Variants in CCDC60 observed in about 807,000 individuals in gnomAD.
CCDC60 encodes coiled-coil domain-containing protein 60.
A neutral mutation model predicts 63.5 loss-of-function variants in CCDC60; 54 were observed. The ratio of observed to expected loss-of-function variants is 0.85; its 90% CI spans 0.68 to 1.07. The LOEUF is 1.07. CCDC60 is among the 50% of genes least tolerant of loss of function. CCDC60 has a pLI of 0.00. For synonymous variants in CCDC60, 206 were observed against 238.8 expected (o/e 0.86, Z 1.27); for missense variants, 651 against 684.3 (o/e 0.95, Z 0.54).
intron 1 of CCDC60, among the ~76,000 whole-genome samples, chr12:119,340,374 T>C (rs1008836318): frequency 5.3e-5 from 8 of 152,266 alleles, no homozygotes; most frequent in Middle Eastern, 3.4e-3. Flanking sequence ...GAGGTATTGT[T>C]AATAAGCTTT....
At chr12:119,506,926 G>C (rs1482602815) in intron 7 of CCDC60, among the ~76,000 whole-genome samples, 3 of 152,176 alleles carry the variant, frequency 2.0e-5, no homozygotes, top group African/African-American at 7.2e-5. Context: ...AAAGAAGAGA[G>C]GGTAAGACAG....
chr12:119,436,540 A>T (rs1318585454), intron 2 of CCDC60, among the ~76,000 whole-genome samples: 4 of 78,040 alleles, frequency 5.1e-5, no homozygotes, highest in East Asian at 7.2e-4. Context: ...TGATGCCAAT[A>T]CTTTTTTTTT....
At chr12:119,474,824 T>C (rs998918765) in intron 3 of CCDC60, among the ~76,000 whole-genome samples, 1 of 152,076 alleles carries the variant, frequency 6.6e-6, no homozygotes, top group Non-Finnish European at 1.5e-5. Flanking sequence ...TTGGGCAACA[T>C]AGAGAGACTC....
intron 1 of CCDC60, among the ~76,000 whole-genome samples, chr12:119,414,258 A>G (rs1956659871): frequency 6.6e-6 from 1 of 152,058 alleles, no homozygotes; most frequent in African/African-American, 2.4e-5. Context: ...ACCTCAAGAG[A>G]TCTGCCTGCC....
chr12:119,498,010 C>T (rs1951753273), intron 5 of CCDC60, among the ~76,000 whole-genome samples: 1 of 152,156 alleles, frequency 6.6e-6, no homozygotes, highest in South Asian at 2.1e-4. Flanking sequence ...ATTCTCACCC[C>T]ACCTCACCAG....
In CCDC60 at chr12:119,394,391, C is replaced by T. The variant is rs186479060; in HGVS notation, c.91-34292C>T. On this transcript the variant is annotated intron_variant, in intron 1 of 13. Transcript: ENST00000327554. Reference sequence around the variant, plus strand: ...TTCCTTCTGCCTGTTACAAAGGAAACGGGGTAATTTCATGCTTCAAGAGAT... The same window carrying T: ...TTCCTTCTGCCTGTTACAAAGGAAATGGGGTAATTTCATGCTTCAAGAGAT... 2.5e-4 allele frequency among the ~76,000 whole-genome samples: 38 copies of T among 151,932 alleles called. No homozygotes were observed. The South Asian group carries it at 4.4e-3, about 18-fold the overall frequency.
intron 1 of CCDC60, among the ~76,000 whole-genome samples, chr12:119,358,067 T>C (rs1955736049): frequency 6.6e-6 from 1 of 152,090 alleles, no homozygotes; most frequent in Non-Finnish European, 1.5e-5. Flanking sequence ...GAGCACTCAC[T>C]ATCATGAGGA....
chr12:119,433,004 G>C (rs118171210), intron 2 of CCDC60, among the ~76,000 whole-genome samples: 2,396 of 152,244 alleles, frequency 0.016, 27 homozygotes, highest in Admixed American at 0.029. Context: ...AGTATATAAG[G>C]AGTGCTACAA....
chr12:119,521,186 G>C (rs547561742), intron 9 of CCDC60, among the ~76,000 whole-genome samples: 45 of 152,204 alleles, frequency 3.0e-4, no homozygotes, highest in Non-Finnish European at 5.4e-4. Context: ...TTTTGGATTA[G>C]TGTTGAGTAT....
intron 5 of CCDC60, among the ~76,000 whole-genome samples, chr12:119,497,712 C>T (rs1474498594): frequency 6.6e-6 from 1 of 150,752 alleles, no homozygotes; most frequent in African/African-American, 2.4e-5. Context: ...AAGGGAAATG[C>T]GAAAAGCCCT....
chr12:119,528,304 G>A (rs918585210), intron 11 of CCDC60, among the ~76,000 whole-genome samples: 1 of 151,954 alleles, frequency 6.6e-6, no homozygotes, highest in East Asian at 1.9e-4. Context: ...CTCACCTCTG[G>A]AAAATAGGAA....
intron 3 of CCDC60, among the ~76,000 whole-genome samples, chr12:119,473,973 G>C (rs528447725): frequency 6.6e-6 from 1 of 152,168 alleles, no homozygotes; most frequent in Non-Finnish European, 1.5e-5. Context: ...CTTTTCCTCT[G>C]AGTAGATACT....
chr12:119,369,311 C>T (rs1481478410), intron 1 of CCDC60, among the ~76,000 whole-genome samples: 2 of 152,250 alleles, frequency 1.3e-5, no homozygotes, highest in African/African-American at 4.8e-5. Flanking sequence ...CCAAGGAAGT[C>T]TCCCCTTTCA....
intron 1 of CCDC60, among the ~76,000 whole-genome samples, chr12:119,380,475 A>G (rs766749256): frequency 3.9e-5 from 6 of 152,194 alleles, no homozygotes; most frequent in Non-Finnish European, 7.3e-5. Context: ...CTGACGTCGT[A>G]ATATCTCAGA....
chr12:119,532,438 T>C (rs975781197), intron 13 of CCDC60, among the ~76,000 whole-genome samples: 5 of 149,944 alleles, frequency 3.3e-5, no homozygotes, highest in African/African-American at 1.2e-4. Flanking sequence ...ATTATCATTA[T>C]ACTTTAAGTT....
chr12:119,341,208 T>A (rs974990018), intron 1 of CCDC60, among the ~76,000 whole-genome samples: 37 of 152,242 alleles, frequency 2.4e-4, no homozygotes, highest in Non-Finnish European at 8.8e-5. Context: ...GTCGGCTCTT[T>A]TCCATGATAA....
intron 11 of CCDC60, 102 bp from the exon 12 acceptor site, chr12:119,528,513 C>A (rs12823464): frequency 0.044 from 57,743 of 1,322,086 alleles, 1,544 homozygotes; most frequent in Non-Finnish European, 0.051. Context: ...AGAAAAGCCT[C>A]ATGAAGGAAA....
chr12:119,527,833 C>T (rs999843404), intron 11 of CCDC60, among the ~76,000 whole-genome samples: 4 of 151,656 alleles, frequency 2.6e-5, no homozygotes, highest in Non-Finnish European at 4.4e-5. Context: ...CCCGCCACCA[C>T]GCCCGGCTAA....
Position 119,519,399 on chromosome 12 carries a change from ATATG to A in CCDC60, c.969-720_969-717del, listed in dbSNP as rs750365109. On this transcript the variant is annotated intron_variant, in intron 8 of 13. Transcript: ENST00000327554. The stretch of plus-strand genomic sequence containing the variant: ...TCAGAATATCCAGAGGTAGTGATAT[ATATG>A]TGTGTGTGTGTGTGTGTGTGTGTGT... Among the ~76,000 whole-genome samples the A allele has an allele frequency of 3.7e-3, 368 of 99,946 alleles. 14 individuals carry two copies. The South Asian group carries it at 0.1, about 28-fold the overall frequency. 65.6% of individuals were successfully genotyped at this position (99,946 alleles called of 152,430 possible). A position where few individuals can be genotyped will look rare whatever the true frequency, so the allele number is the denominator to read the frequency against.
Sources: gnomAD v4.1 joint callset for allele counts (sites outside exome capture counted in the v4.1 genomes callset) on GRCh38, gnomAD v4.1.1 for gene constraint, MANE v1.5 for transcripts, NCBI Gene and HGNC (gene_info 2026-07-23, HGNC 2026-07-21) for gene names.